The following ADAMTS18 variants were observed in gnomAD, a reference collection of about 807,000 sequenced individuals.
The protein encoded by ADAMTS18 is A disintegrin and metalloproteinase with thrombospondin motifs 18.
Under a neutral mutation model 165.9 loss-of-function variants are expected in ADAMTS18, and 157 were observed. That is an observed-to-expected ratio of 0.95 (90% CI 0.83 to 1.08). The LOEUF (loss-of-function observed/expected upper bound fraction) is 1.08. Ranked by LOEUF, ADAMTS18 falls within the 50% of genes least tolerant of loss-of-function variation. The pLI, the probability that ADAMTS18 is intolerant of heterozygous loss-of-function variation, is 0.00. For missense variants in ADAMTS18, 2,040 were observed against 1,534.0 expected (o/e 1.33, Z -5.51); for synonymous variants, 782 against 578.2 (o/e 1.35, Z -5.06).
At chr16:77,367,081 C>G (rs2056806038) in intron 4 of ADAMTS18, among the ~76,000 whole-genome samples, 1 of 152,282 alleles carries the variant, frequency 6.6e-6, no homozygotes, top group African/African-American at 2.4e-5. Context: ...CTGGAAGTCT[C>G]TCCTTTGTGT....
intron 3 of ADAMTS18, among the ~76,000 whole-genome samples, chr16:77,430,525 G>A (rs994773103): frequency 6.6e-6 from 1 of 152,172 alleles, no homozygotes; most frequent in African/African-American, 2.4e-5. Context: ...ATCACCATGT[G>A]TCTCAACACA....
chr16:77,408,312 T>A (rs74596609), intron 3 of ADAMTS18, among the ~76,000 whole-genome samples: 1 of 152,242 alleles, frequency 6.6e-6, no homozygotes, highest in African/African-American at 2.4e-5. Context: ...GAAGCTGAAT[T>A]TGCACATGCT....
chr16:77,433,072 C>T (rs1056241554), intron 2 of ADAMTS18, among the ~76,000 whole-genome samples: 1 of 152,120 alleles, frequency 6.6e-6, no homozygotes. Flanking sequence ...AAATCTGAGC[C>T]AGACATACAA....
chr16:77,381,906 C>T (rs1014992888), intron 3 of ADAMTS18, among the ~76,000 whole-genome samples: 1 of 152,156 alleles, frequency 6.6e-6, no homozygotes, highest in South Asian at 2.1e-4. Flanking sequence ...GAGAAAGCTT[C>T]CCCCATGGAT....
intron 3 of ADAMTS18, among the ~76,000 whole-genome samples, chr16:77,418,360 T>C (rs985192304): frequency 6.6e-6 from 1 of 152,132 alleles, no homozygotes; most frequent in South Asian, 2.1e-4. Context: ...CTATGAGTAG[T>C]TCTCAGCTAG....
rs1380469294 is a variant in ADAMTS18, at chr16:77,353,896, C to A, written c.1461-10G>T. ...CCCCGCCTGAGGTGTGCTGTAATGA[C>A]AATACATGCTTATTAATTACTCTGT... is the stretch of plus-strand genomic sequence containing the variant. On this transcript the variant is annotated splice_polypyrimidine_tract_variant and intron_variant, in intron 9 of 22. Coordinates refer to ENST00000282849, the MANE Select transcript of ADAMTS18 (RefSeq NM_199355.4). 1.2e-6 allele frequency: 2 copies of A among 1,613,980 alleles called. No individual in the cohort carries two copies. The highest frequency in any genetic ancestry group is 1.7e-6 in the Non-Finnish European group (2 of 1,180,018).
chr16:77,431,234 G>A, intron 3 of ADAMTS18, 61 bp downstream of exon 3: 1 of 1,572,296 alleles, frequency 6.4e-7, no homozygotes, highest in Non-Finnish European at 8.8e-7. Context: ...GCAGACATCT[G>A]TTCATTCAAG....
At chr16:77,330,499 C>A (rs1385664948) in intron 12 of ADAMTS18, among the ~76,000 whole-genome samples, 3 of 152,176 alleles carry the variant, frequency 2.0e-5, no homozygotes, top group Non-Finnish European at 2.9e-5. Flanking sequence ...CCTGGTTACT[C>A]ATCTGTGAAA....
intron 7 of ADAMTS18, among the ~76,000 whole-genome samples, chr16:77,360,746 T>C (rs2144729178): frequency 6.6e-6 from 1 of 152,316 alleles, no homozygotes; most frequent in Non-Finnish European, 1.5e-5. Context: ...ATAAACTTAT[T>C]TATAGGACAT....
chr16:77,300,276 G>C lies in ADAMTS18; in HGVS notation c.2661C>G (p.Val887=). The change falls in exon 17 of 23, where the codon GTC becomes GTG. Residue 887 remains valine (V), a synonymous_variant. Coordinates refer to ENST00000282849, the MANE Select transcript of ADAMTS18 (RefSeq NM_199355.4). The stretch of plus-strand genomic sequence containing the variant: ...AAAATCATCTACCTCCACCACAGGA[G>C]ACGGAGCACTCTGACTGCACGATAC... The part of the protein sequence containing the change: ...TWSIVQSECS[V]SCGGGYINVK... 2 of 1,614,100 alleles carry C rather than the reference G, an allele frequency of 1.2e-6. No homozygotes were observed. Among genetic ancestry groups the C allele is most frequent in the Non-Finnish European group, 1.7e-6 (2 of 1,179,966 alleles).
At chr16:77,338,483 C>T (rs545746319) in intron 11 of ADAMTS18, among the ~76,000 whole-genome samples, 8 of 151,706 alleles carry the variant, frequency 5.3e-5, no homozygotes, top group South Asian at 2.1e-4. Context: ...GTGATATGCC[C>T]GCCGAGGCCC....
At chr16:77,375,306 AAACCC>A (rs1260514794) in intron 3 of ADAMTS18, among the ~76,000 whole-genome samples, 1 of 152,132 alleles carries the variant, frequency 6.6e-6, no homozygotes, top group Non-Finnish European at 1.5e-5. Flanking sequence ...ACAGGCATGA[AAACCC>A]GTCTTTACCA....
In ADAMTS18 at chr16:77,300,420, T is replaced by C. The variant is rs113388656; in HGVS notation, c.2533-16A>G. 1.4e-5 allele frequency: 22 copies of C among 1,613,904 alleles called. No individual in the cohort carries two copies. The Middle Eastern group carries it at 4.9e-4, about 36-fold the overall frequency. On this transcript the variant is annotated splice_polypyrimidine_tract_variant and intron_variant, in intron 16 of 22. Transcript: ENST00000282849. Reference sequence around the variant, plus strand: ...GCATCAGAATCTGGACAGTGTAAGATAAAAATCAGAGATCAAGATACAGGT... The same window carrying C: ...GCATCAGAATCTGGACAGTGTAAGACAAAAATCAGAGATCAAGATACAGGT...
intron 22 of ADAMTS18, among the ~76,000 whole-genome samples, chr16:77,285,160 C>T: frequency 6.6e-6 from 1 of 152,082 alleles, no homozygotes; most frequent in East Asian, 1.9e-4. Flanking sequence ...GTTGTAGGAG[C>T]AAGGGCCCAG....
At chr16:77,421,671 A>G (rs1221672616) in intron 3 of ADAMTS18, among the ~76,000 whole-genome samples, 1 of 152,190 alleles carries the variant, frequency 6.6e-6, no homozygotes, top group Non-Finnish European at 1.5e-5. Context: ...CTGGGTGGCT[A>G]ATATCACTGT....
chr16:77,410,566 C>G (rs914812738), intron 3 of ADAMTS18, among the ~76,000 whole-genome samples: 1 of 152,078 alleles, frequency 6.6e-6, no homozygotes, highest in African/African-American at 2.4e-5. Flanking sequence ...AAACTGAAGC[C>G]TAGAAACGGG....
intron 16 of ADAMTS18, among the ~76,000 whole-genome samples, chr16:77,300,666 G>A (rs1046028469): frequency 6.6e-6 from 1 of 151,694 alleles, no homozygotes; most frequent in African/African-American, 2.4e-5. Flanking sequence ...AGCCCATAAC[G>A]TATACACAAA....
chr16:77,305,717 A>G (rs1344424919), intron 16 of ADAMTS18, among the ~76,000 whole-genome samples: 2 of 152,192 alleles, frequency 1.3e-5, no homozygotes, highest in Non-Finnish European at 2.9e-5. Flanking sequence ...GGCCTTGATT[A>G]TATCTCAGCA....
intron 3 of ADAMTS18, 146 bp downstream of exon 3, chr16:77,431,149 A>G: frequency 1.2e-6 from 1 of 839,926 alleles, no homozygotes; most frequent in Non-Finnish European, 1.9e-6. Context: ...CATTAGATTA[A>G]TTCAATTGAG....
Sources: allele counts gnomAD v4.1 joint callset (sites outside exome capture counted in the v4.1 genomes callset), GRCh38; gene constraint gnomAD v4.1.1; transcripts MANE v1.5; gene names NCBI Gene and HGNC (gene_info 2026-07-23, HGNC 2026-07-21).